C10orf67: variants seen among roughly 807,000 people sequenced by gnomAD.
The protein encoded by C10orf67 is chromosome 10 open reading frame 67, also known as uncharacterized protein C10orf67, mitochondrial.
A neutral mutation model predicts 35.6 loss-of-function variants in C10orf67; 60 were observed. The ratio of observed to expected loss-of-function variants is 1.68; its 90% CI spans 1.37 to 2.09. C10orf67 has a LOEUF of 2.09. Among genes scored for constraint, C10orf67 ranks in the 30% most tolerant of loss-of-function variants. The pLI, the probability that C10orf67 is intolerant of heterozygous loss-of-function variation, is 0.00. For missense variants in C10orf67, 474 were observed against 330.2 expected (o/e 1.44, Z -3.38); for synonymous variants, 167 against 115.8 (o/e 1.44, Z -2.84).
chr10:23,253,785 A>T (rs1293637996), intron 10 of C10orf67, among the ~76,000 whole-genome samples: 1 of 152,220 alleles, frequency 6.6e-6, no homozygotes, highest in African/African-American at 2.4e-5. Context: ...CTGTTCTAAA[A>T]TCTATCTTCT....
chr10:23,231,324 G>T (rs967904384), intron 13 of C10orf67, among the ~76,000 whole-genome samples: 1 of 152,166 alleles, frequency 6.6e-6, no homozygotes, highest in South Asian at 2.1e-4. Context: ...TATCCTTAAG[G>T]ATAAATATTC....
chr10:23,213,499 C>T (rs1841363184), intron 15 of C10orf67, among the ~76,000 whole-genome samples: 1 of 151,934 alleles, frequency 6.6e-6, no homozygotes, highest in Non-Finnish European at 1.5e-5. Context: ...GGTGGTGATA[C>T]AAAAGAAAAT....
At position 23,333,153 on chromosome 10, in the gene C10orf67, C is replaced by G; in HGVS notation, c.236G>C (p.Gly79Ala). 4 of 1,606,268 alleles carry G rather than the reference C, an allele frequency of 2.5e-6. No individual in the cohort carries two copies. Among genetic ancestry groups the G allele is most frequent in the African/African-American group, 1.3e-5 (1 of 74,838 alleles). The change falls in exon 2 of 16, where the codon GGC becomes GCC. Residue 79 changes from glycine to alanine, a missense_variant. Coordinates refer to ENST00000636213, the MANE Select transcript of C10orf67 (RefSeq NM_001371909.1). ...AGTGGCATGGTCTGTGCTGAAAAAG[C>G]CAATCTTTAAATCATCTGAAATGTT... The part of the protein sequence containing the change: ...RLNISDDLKI[G>A]FFSTDHATQT...
rs186521197 is a variant in C10orf67, at chr10:23,237,647, A to T, written c.1434+2082T>A. The stretch of plus-strand genomic sequence containing the variant: ...CATGCAATAACATGGGTGGATCTTA[A>T]AAGTATTGTGCTGTGTAAAATGGGC... On this transcript the variant is annotated intron_variant, in intron 13 of 15. Coordinates refer to ENST00000636213, the MANE Select transcript of C10orf67 (RefSeq NM_001371909.1). 1.9e-3 allele frequency among the ~76,000 whole-genome samples: 295 copies of T among 152,334 alleles called. 1 individual carries two copies. The highest frequency in any genetic ancestry group is 3.5e-3 in the Admixed American group (53 of 15,294).
intron 7 of C10orf67, among the ~76,000 whole-genome samples, chr10:23,287,280 A>G (rs1461226815): frequency 6.6e-6 from 1 of 152,192 alleles, no homozygotes; most frequent in South Asian, 2.1e-4. Flanking sequence ...AAACAGACAT[A>G]TAGACCAATG....
intron 5 of C10orf67, among the ~76,000 whole-genome samples, chr10:23,300,241 T>C (rs1844026845): frequency 6.6e-6 from 1 of 152,168 alleles, no homozygotes; most frequent in Non-Finnish European, 1.5e-5. Flanking sequence ...TTACTTGTAC[T>C]TGGACAATCT....
At chr10:23,282,114 T>C (rs1843387888) in intron 7 of C10orf67, 36 bp from the exon 8 acceptor site, 1 of 508,164 alleles carries the variant, frequency 2.0e-6, no homozygotes, top group South Asian at 3.4e-5. Context: ...TTATTAAAGA[T>C]AAGAACAGAA....
chr10:23,239,779 T>G lies in C10orf67; in HGVS notation c.1384A>C (p.Thr462Pro). 1 of 645,692 alleles carries G rather than the reference T, an allele frequency of 1.5e-6. No individual in the cohort carries two copies. The highest frequency in any genetic ancestry group is 3.0e-6 in the Non-Finnish European group (1 of 333,584). The allele number at this position is 645,692 out of a possible 1,614,324, so 40.0% of individuals were successfully genotyped here. A position where few individuals can be genotyped will look rare whatever the true frequency, so the allele number is the denominator to read the frequency against. The change falls in exon 13 of 16, where the codon ACA becomes CCA. Residue 462 changes from threonine to proline, a missense_variant. Transcript: ENST00000636213. ...AGCACTGCAAACTGACGAAACAGTG[T>G]GTGCCTTGTAAACATCTCATTCTTA... The part of the protein sequence containing the change: ...VLKNEMFTRH[T>P]LFRQFAVLAD...
chr10:23,264,223 C>T (rs114365695), intron 10 of C10orf67, among the ~76,000 whole-genome samples: 3,290 of 152,114 alleles, frequency 0.022, 47 homozygotes, highest in Middle Eastern at 0.092. Context: ...AAGAATAAAC[C>T]ACAGTGGAAG....
intron 12 of C10orf67, among the ~76,000 whole-genome samples, chr10:23,248,763 T>C (rs1842376245): frequency 6.6e-6 from 1 of 152,096 alleles, no homozygotes; most frequent in Admixed American, 6.5e-5. Flanking sequence ...TCAGCCTAAG[T>C]AGAGAGACAT....
At chr10:23,241,170 T>C (rs1409620462) in intron 12 of C10orf67, among the ~76,000 whole-genome samples, 5 of 152,236 alleles carry the variant, frequency 3.3e-5, no homozygotes, top group African/African-American at 1.2e-4. Context: ...CCCTTCTACT[T>C]TCTCCCCTTT....
intron 12 of C10orf67, among the ~76,000 whole-genome samples, chr10:23,242,943 A>G (rs563575601): frequency 9.2e-5 from 14 of 152,258 alleles, no homozygotes; most frequent in African/African-American, 1.9e-4. Flanking sequence ...ATAAAATAAA[A>G]CTGACAGATT....
At chr10:23,322,004 T>C (rs1844974092) in intron 3 of C10orf67, among the ~76,000 whole-genome samples, 1 of 152,118 alleles carries the variant, frequency 6.6e-6, no homozygotes, top group Non-Finnish European at 1.5e-5. Flanking sequence ...CCCAAGCTGG[T>C]CTTGAACTCC....
At position 23,229,868 on chromosome 10, in the gene C10orf67, A is replaced by G. The variant is rs139957895; in HGVS notation, c.1435-6050T>C. Among the ~76,000 whole-genome samples, 444 of 152,286 alleles carry G rather than the reference A, an allele frequency of 2.9e-3. 2 individuals carry two copies. The highest frequency in any genetic ancestry group is 0.01 in the African/African-American group (418 of 41,578). The stretch of plus-strand genomic sequence containing the variant: ...AATATATAACATATTTACAGATTAG[A>G]AGACTCAGTGATCAAGATGCCAATT... On this transcript the variant is annotated intron_variant, in intron 13 of 15. Transcript: ENST00000636213.
intron 8 of C10orf67, 75 bp from the exon 9 acceptor site, chr10:23,267,329 A>G: frequency 1.5e-6 from 1 of 646,660 alleles, no homozygotes; most frequent in Non-Finnish European, 2.8e-6. Flanking sequence ...TAAAACTTCT[A>G]TAAGCAATGA....
chr10:23,328,799 CAT>C (rs2132369253), intron 2 of C10orf67, among the ~76,000 whole-genome samples: 1 of 150,310 alleles, frequency 6.7e-6, no homozygotes, highest in South Asian at 2.1e-4. Context: ...GCCTGGGCAA[CAT>C]AGTGAAACCC....
intron 10 of C10orf67, among the ~76,000 whole-genome samples, chr10:23,262,074 C>T (rs1326191097): frequency 6.6e-6 from 1 of 152,204 alleles, no homozygotes; most frequent in African/African-American, 2.4e-5. Context: ...CAACAGTCCA[C>T]TGCCAGCATC....
At chr10:23,322,160 G>A (rs1588693514) in intron 3 of C10orf67, among the ~76,000 whole-genome samples, 1 of 152,134 alleles carries the variant, frequency 6.6e-6, no homozygotes, top group Non-Finnish European at 1.5e-5. Context: ...GTAAAAGAGG[G>A]AAAATAATTG....
chr10:23,335,194 A>G (rs2132401145), intron 1 of C10orf67, among the ~76,000 whole-genome samples: 1 of 152,020 alleles, frequency 6.6e-6, no homozygotes, highest in Non-Finnish European at 1.5e-5. Context: ...TCTCAAAAAA[A>G]AAAAAAAAAA....
Sources: allele counts gnomAD v4.1 joint callset (sites outside exome capture counted in the v4.1 genomes callset), GRCh38; gene constraint gnomAD v4.1.1; transcripts MANE v1.5; gene names NCBI Gene and HGNC (gene_info 2026-07-23, HGNC 2026-07-21).